NTRK2: variants seen among roughly 807,000 people sequenced by gnomAD.
NTRK2 encodes neurotrophic receptor tyrosine kinase 2.
A neutral mutation model predicts 94.5 loss-of-function variants in NTRK2; 13 were observed. That is an observed-to-expected ratio of 0.14 (90% CI 0.09 to 0.22). NTRK2 has a LOEUF of 0.22. NTRK2 is among the 10% of genes least tolerant of loss of function. The pLI, the probability that NTRK2 is intolerant of heterozygous loss-of-function variation, is 1.00. For synonymous variants in NTRK2, 372 were observed against 407.4 expected (o/e 0.91, Z 1.05); for missense variants, 639 against 1,071.2 (o/e 0.60, Z 5.63).
At chr9:85,018,349 A>C (rs531830376) in intron 17 of NTRK2, among the ~76,000 whole-genome samples, 23 of 152,340 alleles carry the variant, frequency 1.5e-4, no homozygotes, top group Non-Finnish European at 2.9e-4. Flanking sequence ...CTAGGGGTTA[A>C]CAATCTTTGA....
intron 12 of NTRK2, among the ~76,000 whole-genome samples, chr9:84,858,684 C>T (rs750196362): frequency 3.9e-5 from 6 of 151,984 alleles, no homozygotes; most frequent in East Asian, 1.9e-4. Context: ...CATCCTCCAC[C>T]GAGAGCTTCT....
intron 14 of NTRK2, among the ~76,000 whole-genome samples, chr9:84,917,338 T>C (rs2077424025): frequency 6.6e-6 from 1 of 152,162 alleles, no homozygotes; most frequent in Admixed American, 6.5e-5. Flanking sequence ...CGTTTCTGGG[T>C]TTCTGGAGTC....
Position 85,022,975 on chromosome 9 carries a change from G to T in NTRK2, c.*1538G>T, listed in dbSNP as rs1832856700. 4.3e-6 allele frequency: 1 copy of T among 233,194 alleles called. No homozygotes were observed. Among genetic ancestry groups the T allele is most frequent in the Non-Finnish European group, 8.5e-6 (1 of 118,016 alleles). The allele number at this position is 233,194 out of a possible 1,614,324, so 14.4% of individuals were successfully genotyped here. A position where few individuals can be genotyped will look rare whatever the true frequency, so the allele number is the denominator to read the frequency against. ...CTTGCTCTGGGCTCTAGTTGGGAGA[G>T]TGGTTTCATTCCAAGTGTACTCCAT... On this transcript the variant is annotated 3_prime_UTR_variant, in exon 19 of 19. Transcript: ENST00000277120.
At chr9:84,670,235 T>C (rs951019632) in intron 1 of NTRK2, 142 bp from the exon 2 acceptor site, 3 of 242,666 alleles carry the variant, frequency 1.2e-5, no homozygotes, top group Non-Finnish European at 1.6e-5. Context: ...AGTTGATTCC[T>C]GGGCCGGAGC....
At chr9:84,960,561 T>A (rs1288207584) in intron 17 of NTRK2, among the ~76,000 whole-genome samples, 1 of 152,306 alleles carries the variant, frequency 6.6e-6, no homozygotes, top group East Asian at 1.9e-4. Context: ...ACTGACTGAT[T>A]GATTAATAGA....
At chr9:84,976,327 A>G (rs1036914757) in intron 17 of NTRK2, among the ~76,000 whole-genome samples, 1 of 152,138 alleles carries the variant, frequency 6.6e-6, no homozygotes, top group African/African-American at 2.4e-5. Context: ...CTCTTTTATA[A>G]GGACACAAAG....
chr9:84,843,212 A>G (rs1285277350), intron 12 of NTRK2, among the ~76,000 whole-genome samples: 4 of 152,170 alleles, frequency 2.6e-5, no homozygotes, highest in African/African-American at 7.2e-5. Flanking sequence ...ATTTTAAGTT[A>G]GTGGGTTGGT....
chr9:85,024,150 G>A lies in NTRK2; in HGVS notation c.*2713G>A, dbSNP rs1465151826. The A allele has an allele frequency of 4.3e-6, 1 of 231,668 alleles. No individual in the cohort carries two copies. The highest frequency in any genetic ancestry group is 5.6e-5 in the Admixed American group (1 of 17,756). 14.4% of individuals were successfully genotyped at this position (231,668 alleles called of 1,614,324 possible). On this transcript the variant is annotated 3_prime_UTR_variant, in exon 19 of 19. Transcript: ENST00000277120. ...TATTACTATCTCTGTTGTCTTAAGA[G>A]TATGTGCTGATTTCAGAGACATCTC...
intron 14 of NTRK2, among the ~76,000 whole-genome samples, chr9:84,890,917 A>G (rs1286861991): frequency 6.6e-6 from 1 of 152,242 alleles, no homozygotes; most frequent in Non-Finnish European, 1.5e-5. Flanking sequence ...TGCTTTCTTC[A>G]ATTGTAATAT....
At chr9:84,939,477 A>G (rs962488014) in intron 15 of NTRK2, among the ~76,000 whole-genome samples, 1 of 152,210 alleles carries the variant, frequency 6.6e-6, no homozygotes, top group East Asian at 1.9e-4. Flanking sequence ...GAGGAAATCC[A>G]ACACAATGAC....
rs1410756571 is a variant in NTRK2, at chr9:85,024,197, GC to G, written c.*2761del. On this transcript the variant is annotated 3_prime_UTR_variant, in exon 19 of 19. Coordinates refer to ENST00000277120, the MANE Select transcript of NTRK2 (RefSeq NM_006180.6). ...TCTCAAATTGAAAGAATATCAGATT[GC>G]TTTTAAAGTAGCTGAACGAGCCACA... The G allele has an allele frequency of 4.3e-6, 1 of 231,956 alleles. No homozygotes were observed. The highest frequency in any genetic ancestry group is 2.2e-5 in the African/African-American group (1 of 45,256). 14.4% of individuals were successfully genotyped at this position (231,956 alleles called of 1,614,324 possible).
chr9:84,843,000 A>G (rs898134631), intron 12 of NTRK2, among the ~76,000 whole-genome samples: 2 of 152,162 alleles, frequency 1.3e-5, no homozygotes, highest in Admixed American at 6.5e-5. Flanking sequence ...CAAGAACTAC[A>G]TATTCACTTT....
chr9:84,967,099 T>C (rs1163502328), intron 17 of NTRK2, among the ~76,000 whole-genome samples: 1 of 152,210 alleles, frequency 6.6e-6, no homozygotes, highest in Non-Finnish European at 1.5e-5. Flanking sequence ...GTAAACGAAG[T>C]GCTATTTGAG....
At chr9:84,905,008 A>G (rs565886928) in intron 14 of NTRK2, among the ~76,000 whole-genome samples, 36 of 152,182 alleles carry the variant, frequency 2.4e-4, no homozygotes, top group Non-Finnish European at 5.0e-4. Flanking sequence ...GAATAGTGAA[A>G]TGGTGCTGAT....
intron 12 of NTRK2, among the ~76,000 whole-genome samples, chr9:84,760,644 T>G (rs1055811391): frequency 5.3e-5 from 8 of 152,236 alleles, no homozygotes; most frequent in Non-Finnish European, 1.2e-4. Context: ...TTCATCACTT[T>G]AAATTATTTT....
chr9:84,786,690 C>T (rs1031400384), intron 12 of NTRK2, among the ~76,000 whole-genome samples: 2 of 152,210 alleles, frequency 1.3e-5, no homozygotes, highest in African/African-American at 2.4e-5. Context: ...AATCTTGGTT[C>T]AGAGGAAGGC....
intron 12 of NTRK2, among the ~76,000 whole-genome samples, chr9:84,828,511 C>T (rs762829958): frequency 2.0e-5 from 3 of 152,152 alleles, no homozygotes; most frequent in Admixed American, 2.0e-4. Flanking sequence ...CTTTCATTCT[C>T]TCCCCCTACC....
chr9:84,757,620 C>T (rs145637039), intron 12 of NTRK2, among the ~76,000 whole-genome samples: 1 of 152,288 alleles, frequency 6.6e-6, no homozygotes, highest in Non-Finnish European at 1.5e-5. Context: ...TGGGACAATA[C>T]TAATACCTAA....
At chr9:84,809,332 C>T (rs1397188013) in intron 12 of NTRK2, among the ~76,000 whole-genome samples, 3 of 151,014 alleles carry the variant, frequency 2.0e-5, no homozygotes, top group Non-Finnish European at 2.9e-5. Flanking sequence ...TTTATCACAG[C>T]GTCTACTGTT....
Sources: allele counts gnomAD v4.1 joint callset (sites outside exome capture counted in the v4.1 genomes callset), GRCh38; gene constraint gnomAD v4.1.1; transcripts MANE v1.5; gene names NCBI Gene and HGNC (gene_info 2026-07-23, HGNC 2026-07-21).